The following POLR1A variants were observed in gnomAD, a reference collection of about 807,000 sequenced individuals.
POLR1A encodes RNA polymerase I subunit A, also known as DNA-directed RNA polymerase I subunit RPA1.
Under a neutral mutation model 205.3 loss-of-function variants are expected in POLR1A, and 84 were observed. The observed-to-expected ratio is 0.41, with a 90% CI of 0.34 to 0.49. The LOEUF (loss-of-function observed/expected upper bound fraction) is 0.49. Ranked by LOEUF, POLR1A falls within the 20% of genes least tolerant of loss-of-function variation. The pLI, the probability that POLR1A is intolerant of heterozygous loss-of-function variation, is 0.22. For synonymous variants in POLR1A, 799 were observed against 863.7 expected (o/e 0.93, Z 1.31); for missense variants, 1,645 against 2,204.5 (o/e 0.75, Z 5.08).
In POLR1A at chr2:86,030,380, G is replaced by C; in HGVS notation, c.4595C>G (p.Pro1532Arg). 6.2e-7 allele frequency: 1 copy of C among 1,613,774 alleles called. No individual in the cohort carries two copies. The highest frequency in any genetic ancestry group is 8.5e-7 in the Non-Finnish European group (1 of 1,179,762). The change falls in exon 31 of 34, where the codon CCT becomes CGT. Residue 1532 changes from proline to arginine, a missense_variant. Pro to Arg is a moderately radical substitution (Grantham distance 103). Around this residue, in one of 16 missense-constraint regions of POLR1A, gnomAD observed 394 missense variants for 468.5 expected, o/e 0.84. Transcript: ENST00000263857. ...SLWCQVTVKL[P>R]LMKINFDMSS... Reference sequence around the variant, plus strand: ...CATGTCAAAGTTGATCTTCATCAGAGGGAGCTTCACTGTCACCTGCAAAAG... The same window carrying C: ...CATGTCAAAGTTGATCTTCATCAGACGGAGCTTCACTGTCACCTGCAAAAG...
chr2:86,049,770 C>T (rs759991818), intron 16 of POLR1A, among the ~76,000 whole-genome samples: 5 of 152,154 alleles, frequency 3.3e-5, no homozygotes, highest in African/African-American at 7.2e-5. Flanking sequence ...GGACCACCAC[C>T]ACAGGTCCCT....
rs1242993691 is a variant in POLR1A, at chr2:86,027,964, C to T, written c.4983G>A (p.Gly1661=). The change falls in exon 33 of 34, where the codon GGG becomes GGA. Residue 1661 remains glycine (G), a synonymous_variant. Transcript: ENST00000263857. ...EGVYKPLNRF[G]IRSNSSPLQQ... is the part of the protein sequence containing the mutation. Reference sequence around the variant, plus strand: ...GTAGCGGGGAAGAGTTTGACCGGATCCCAAAGCGATTCAGTGGCTTGTAAA... The same window carrying T: ...GTAGCGGGGAAGAGTTTGACCGGATTCCAAAGCGATTCAGTGGCTTGTAAA... The T allele has an allele frequency of 6.2e-7, 1 of 1,614,198 alleles. No individual in the cohort carries two copies. The highest frequency in any genetic ancestry group is 1.7e-5 in the Admixed American group (1 of 60,026).
intron 14 of POLR1A, among the ~76,000 whole-genome samples, chr2:86,064,163 C>CT (rs1245031818): frequency 6.6e-5 from 10 of 151,072 alleles, no homozygotes; most frequent in South Asian, 2.1e-4. Flanking sequence ...TTGGTACGGG[C>CT]TTTTTTTTTG....
intron 21 of POLR1A, 164 bp from the exon 22 acceptor site, chr2:86,044,468 G>T: frequency 1.5e-6 from 1 of 674,552 alleles, no homozygotes; most frequent in Non-Finnish European, 2.5e-6. Context: ...GTCTGGGCTT[G>T]CTCCAGTGTC....
Position 86,045,377 on chromosome 2 carries a change from C to A in POLR1A, c.2887-17G>T. 1 of 1,600,918 alleles carries A rather than the reference C, an allele frequency of 6.2e-7. No individual in the cohort carries two copies. Among genetic ancestry groups the A allele is most frequent in the Non-Finnish European group, 8.6e-7 (1 of 1,168,084 alleles). On this transcript the variant is annotated splice_polypyrimidine_tract_variant and intron_variant, in intron 20 of 33. Coordinates refer to ENST00000263857, the MANE Select transcript of POLR1A (RefSeq NM_015425.6). Reference sequence around the variant, plus strand: ...GAAGAACTCCTGCAGAGAATGGGACCCAGGTCCCAAAGGTGACAGTGAGGA... The same window carrying A: ...GAAGAACTCCTGCAGAGAATGGGACACAGGTCCCAAAGGTGACAGTGAGGA...
chr2:86,058,855 G>A (rs1434311158), intron 14 of POLR1A, among the ~76,000 whole-genome samples: 1 of 152,104 alleles, frequency 6.6e-6, no homozygotes, highest in East Asian at 1.9e-4. Context: ...GGTGGATCAT[G>A]CCTGTAATCT....
Position 86,052,634 on chromosome 2 carries a change from T to A in POLR1A, c.2392+183A>T, listed in dbSNP as rs139560608. ...CTGGCAGTTTTGGGGGTGAATGGAC[T>A]ATCTGTTAAGACCCTGTAATAAAGC... On this transcript the variant is annotated intron_variant, in intron 16 of 33. Transcript: ENST00000263857. Among the ~76,000 whole-genome samples, 227 of 152,326 alleles carry A rather than the reference T, an allele frequency of 1.5e-3. 1 individual carries two copies. Among genetic ancestry groups the A allele is most frequent in the African/African-American group, 5.1e-3 (214 of 41,570 alleles).
At chr2:86,030,087 G>A (rs1251930104) in intron 31 of POLR1A, 109 bp downstream of exon 31, 2 of 864,356 alleles carry the variant, frequency 2.3e-6, no homozygotes, top group Non-Finnish European at 3.8e-6. Flanking sequence ...AATGGCTCAG[G>A]AAGGGCCAGA....
chr2:86,023,706 A>C lies in POLR1A; in HGVS notation c.*3717T>G, dbSNP rs1297037052. The C allele has an allele frequency of 1.3e-5, 2 of 152,056 alleles. No individual in the cohort carries two copies. Among genetic ancestry groups the C allele is most frequent in the Non-Finnish European group, 2.9e-5 (2 of 68,014 alleles). The allele number at this position is 152,056 out of a possible 1,614,324, so 9.4% of individuals were successfully genotyped here. A position where few individuals can be genotyped will look rare whatever the true frequency, so the allele number is the denominator to read the frequency against. The stretch of plus-strand genomic sequence containing the variant: ...TTAAAGAATTACCATATGATCCAGC[A>C]ATTCCACTTCTAGTATATATTCAAA... On this transcript the variant is annotated 3_prime_UTR_variant, in exon 34 of 34. Transcript: ENST00000263857.
chr2:86,066,305 G>A (rs1285507049), intron 13 of POLR1A, among the ~76,000 whole-genome samples: 1 of 152,096 alleles, frequency 6.6e-6, no homozygotes, highest in Non-Finnish European at 1.5e-5. Context: ...TTCATGGTGG[G>A]CCCTTAATAA....
chr2:86,042,644 T>A (rs1366137263), intron 23 of POLR1A, among the ~76,000 whole-genome samples: 1 of 152,136 alleles, frequency 6.6e-6, no homozygotes, highest in African/African-American at 2.4e-5. Context: ...TCAACCCCCC[T>A]CTAGTGGGTC....
At chr2:86,045,454 C>T in intron 20 of POLR1A, 94 bp from the exon 21 acceptor site, 1 of 1,245,988 alleles carries the variant, frequency 8.0e-7, no homozygotes, top group Non-Finnish European at 1.2e-6. Flanking sequence ...CCTTTCCTGA[C>T]CAGACAGGCC....
At chr2:86,098,559 C>T in intron 3 of POLR1A, 52 bp downstream of exon 3, 1 of 1,581,306 alleles carries the variant, frequency 6.3e-7, no homozygotes, top group Non-Finnish European at 8.6e-7. Context: ...ATCTCTTGTT[C>T]CCCACACCAC....
rs1370553404 is a variant in POLR1A at position 86,044,183 on chromosome 2, A to G, written c.3091T>C (p.Phe1031Leu). The G allele has an allele frequency of 1.9e-6, 3 of 1,614,164 alleles. No individual in the cohort carries two copies. The South Asian group carries it at 3.3e-5, about 18-fold the overall frequency. ...AAGGGGAACTGCTTGGGCTGCAGGA[A>G]CTGTGTCTTGGGGATGTCCAGGCCA... ...EDGLDIPKTQ[F>L]LQPKQFPFLA... Residue 1031 changes from phenylalanine to leucine, a missense_variant, in exon 22 of 34, where the codon TTC becomes CTC. Phe to Leu is a conservative substitution (Grantham distance 22, BLOSUM62 0). Transcript: ENST00000263857.
At position 86,027,366 on chromosome 2, in the gene POLR1A, T is replaced by G. The variant is rs1432109356; in HGVS notation, c.*57A>C. The G allele has an allele frequency of 7.1e-7, 1 of 1,400,800 alleles. No homozygotes were observed. Among genetic ancestry groups the G allele is most frequent in the African/African-American group, 1.4e-5 (1 of 70,790 alleles). 86.8% of individuals were successfully genotyped at this position (1,400,800 alleles called of 1,614,324 possible). On this transcript the variant is annotated 3_prime_UTR_variant, in exon 34 of 34. Coordinates refer to ENST00000263857, the MANE Select transcript of POLR1A (RefSeq NM_015425.6). ...TGGTCCTCTCATGCAGAAGGCAGGC[T>G]GGGCCACGCCCTCACCAAGGGTCCT... is the stretch of plus-strand genomic sequence containing the variant.
At chr2:86,032,450 C>T in intron 28 of POLR1A, 68 bp from the exon 29 acceptor site, 1 of 1,105,126 alleles carries the variant, frequency 9.0e-7, no homozygotes, top group East Asian at 2.3e-5. Flanking sequence ...TCCATCCATC[C>T]ACCCACCAAC....
chr2:86,057,375 C>T (rs1428217327), intron 14 of POLR1A, among the ~76,000 whole-genome samples: 1 of 152,200 alleles, frequency 6.6e-6, no homozygotes, highest in African/African-American at 2.4e-5. Flanking sequence ...ATGTAAATAA[C>T]ACACCTGATT....
chr2:86,057,395 G>T (rs1672915401), intron 14 of POLR1A, among the ~76,000 whole-genome samples: 1 of 152,230 alleles, frequency 6.6e-6, no homozygotes, highest in Admixed American at 6.5e-5. Context: ...TTGAAAAATA[G>T]TTTGCAAGTT....
intron 13 of POLR1A, among the ~76,000 whole-genome samples, 187 bp downstream of exon 13, chr2:86,069,831 A>G (rs1673144882): frequency 6.6e-6 from 1 of 152,244 alleles, no homozygotes; most frequent in Admixed American, 6.5e-5. Flanking sequence ...GCAGCAAAAC[A>G]GAAACATTTC....
Sources: gnomAD v4.1 joint callset for allele counts (sites outside exome capture counted in the v4.1 genomes callset) on GRCh38, gnomAD v4.1.1 for gene constraint, gnomAD v4.1.1 regional missense constraint, MANE v1.5 for transcripts, NCBI Gene and HGNC (gene_info 2026-07-23, HGNC 2026-07-21) for gene names.